The following FAM86B1 variants were observed in gnomAD, a reference collection of about 807,000 sequenced individuals.
FAM86B1 encodes the protein family with sequence similarity 86 member B1 (gene/pseudogene), also known as putative protein N-methyltransferase FAM86B1.
For missense variants in FAM86B1, 13 were observed against 328.1 expected (o/e 0.04, Z 7.42); for synonymous variants, 4 against 137.6 (o/e 0.03, Z 6.79).
At chr8:12,192,950 A>G (rs1807164176) in intron 1 of FAM86B1, among the ~76,000 whole-genome samples, 1 of 145,838 alleles carries the variant, frequency 6.9e-6, no homozygotes, top group South Asian at 2.1e-4. Flanking sequence ...CACTTGCCCA[A>G]GGTCACACAG....
chr8:12,189,374 C>A, intron 3 of FAM86B1, among the ~76,000 whole-genome samples: 1 of 117,824 alleles, frequency 8.5e-6, no homozygotes, highest in African/African-American at 4.1e-5. Flanking sequence ...GAGAATTCAC[C>A]AGAGGAACTA....
At chr8:12,191,414 G>A (rs1157976562) in intron 2 of FAM86B1, among the ~76,000 whole-genome samples, 14 of 122,998 alleles carry the variant, frequency 1.1e-4, no homozygotes, top group African/African-American at 4.9e-4. Context: ...GAAGAGACAG[G>A]AGTGGGCGGG....
chr8:12,187,295 C>G (rs576741639), intron 3 of FAM86B1, among the ~76,000 whole-genome samples: 1 of 18,118 alleles, frequency 5.5e-5, no homozygotes, highest in Admixed American at 8.5e-4. Context: ...TGGGTTCAAG[C>G]AATTCTCCTG....
At position 12,183,385 on chromosome 8, in the gene FAM86B1, TATG is replaced by T. The variant is rs1805245203; in HGVS notation, c.*218_*220del. 2.6e-5 allele frequency: 12 copies of T among 459,432 alleles called. No individual in the cohort carries two copies. Among genetic ancestry groups the T allele is most frequent in the South Asian group, 2.6e-4 (12 of 46,482 alleles). 28.5% of individuals were successfully genotyped at this position (459,432 alleles called of 1,614,324 possible). The stretch of plus-strand genomic sequence containing the variant: ...GGAGCTAGAATTTTCATGTCTGATT[TATG>T]ATGATTTTCTTGAGAACCAGAACTG... On this transcript the variant is annotated 3_prime_UTR_variant, in exon 7 of 7. Transcript: ENST00000448228.
chr8:12,193,372 G>A (rs1312995550), intron 1 of FAM86B1, among the ~76,000 whole-genome samples: 3 of 142,324 alleles, frequency 2.1e-5, no homozygotes, highest in East Asian at 2.0e-4. Flanking sequence ...CAAATGGAAC[G>A]GGGTGCATTA....
At position 12,182,389 on chromosome 8, in the gene FAM86B1, T is replaced by C; in HGVS notation, c.*1217A>G. ...GTTTCCAGAAAGCATGATGTCAAGT[T>C]GGAAGTGGAGCGCTGCTGGGTTGTG... On this transcript the variant is annotated 3_prime_UTR_variant, in exon 7 of 7. Coordinates refer to ENST00000448228, the MANE Select transcript of FAM86B1 (RefSeq NM_001083537.4). 1.7e-6 allele frequency: 1 copy of C among 584,340 alleles called. No homozygotes were observed. Among genetic ancestry groups the C allele is most frequent in the East Asian group, 3.0e-5 (1 of 33,282 alleles). The allele number at this position is 584,340 out of a possible 1,614,324, so 36.2% of individuals were successfully genotyped here.
intron 1 of FAM86B1, among the ~76,000 whole-genome samples, chr8:12,192,732 G>A (rs1341799171): frequency 2.1e-5 from 3 of 142,554 alleles, no homozygotes; most frequent in East Asian, 3.9e-4. Flanking sequence ...CATGGGTACT[G>A]CCGATCCATG....
At chr8:12,192,840 G>T (rs866373508) in intron 1 of FAM86B1, among the ~76,000 whole-genome samples, 1 of 150,228 alleles carries the variant, frequency 6.7e-6, no homozygotes, top group Non-Finnish European at 1.5e-5. Flanking sequence ...GCACTGATCC[G>T]CAGGCATTTG....
upstream of FAM86B1, chr8:12,194,574 G>T (rs1264435891): frequency 6.9e-6 from 1 of 144,096 alleles, no homozygotes; most frequent in Non-Finnish European, 1.4e-5. Context: ...CGTTGACTAT[G>T]TCGTAGAACA....
At chr8:12,193,403 G>T (rs1807266248) in intron 1 of FAM86B1, among the ~76,000 whole-genome samples, 1 of 139,122 alleles carries the variant, frequency 7.2e-6, no homozygotes, top group South Asian at 2.2e-4. Context: ...CTGGCAGAAG[G>T]GAGGCTGCTG....
chr8:12,187,447 C>T (rs1383548557), intron 3 of FAM86B1, among the ~76,000 whole-genome samples: 1 of 3,422 alleles, frequency 2.9e-4, no homozygotes, highest in African/African-American at 4.3e-4. Context: ...ACAACCTCCA[C>T]CTCCCGGGTT....
At chr8:12,187,271 C>A (rs561491729) in intron 3 of FAM86B1, among the ~76,000 whole-genome samples, 1,186 of 23,174 alleles carry the variant, frequency 0.051, 30 homozygotes, top group African/African-American at 0.1. Context: ...TGGCTTACTG[C>A]AACATCTGCC....
At position 12,182,341 on chromosome 8, in the gene FAM86B1, G is replaced by T. The variant is rs1334161248; in HGVS notation, c.*1265C>A. ...GAAGGTGCTCCAGGGCACCAAGTGT[G>T]GGAAAGTGGGACATACGGGGAAGTT... On this transcript the variant is annotated 3_prime_UTR_variant, in exon 7 of 7. Transcript: ENST00000448228. 2.4e-5 allele frequency: 11 copies of T among 468,024 alleles called. No homozygotes were observed. The highest frequency in any genetic ancestry group is 6.2e-4 in the Middle Eastern group (1 of 1,612). 29.0% of individuals were successfully genotyped at this position (468,024 alleles called of 1,614,324 possible). A position where few individuals can be genotyped will look rare whatever the true frequency, so the allele number is the denominator to read the frequency against.
At chr8:12,189,318 A>T (rs1806419194) in intron 3 of FAM86B1, among the ~76,000 whole-genome samples, 1 of 110,790 alleles carries the variant, frequency 9.0e-6, no homozygotes, top group Non-Finnish European at 1.7e-5. Context: ...AATAAAATCC[A>T]TCCTATATCA....
rs1367215544 is a variant in FAM86B1 at position 12,191,088 on chromosome 8, G to A, written c.159+691C>T. Among the ~76,000 whole-genome samples the A allele has an allele frequency of 5.1e-5, 7 of 137,684 alleles. No homozygotes were observed. In the East Asian group the frequency reaches 6.2e-4, roughly 12 times the overall value. The allele number at this position is 137,684 out of a possible 152,430, so 90.3% of individuals were successfully genotyped here. ...CGTGGATAATCTTGGTTCATCTCTA[G>A]CACAGGAATTCTTCACCGGGGCTCC... On this transcript the variant is annotated intron_variant, in intron 2 of 6. Coordinates refer to ENST00000448228, the MANE Select transcript of FAM86B1 (RefSeq NM_001083537.4).
chr8:12,189,301 AG>A (rs1806412259), intron 3 of FAM86B1, among the ~76,000 whole-genome samples: 1 of 70,674 alleles, frequency 1.4e-5, no homozygotes, highest in African/African-American at 7.1e-5. Flanking sequence ...TAAATAAATA[AG>A]TAAAAAATAA....
Position 12,182,673 on chromosome 8 carries a change from A to T in FAM86B1, c.*933T>A, listed in dbSNP as rs1379687950. Reference sequence around the variant, plus strand: ...CAAGAGTCTCAGCAGCTCTGATGGGATGAGAGCTGGGTGCAGACTGTGCTC... The same window carrying T: ...CAAGAGTCTCAGCAGCTCTGATGGGTTGAGAGCTGGGTGCAGACTGTGCTC... On this transcript the variant is annotated 3_prime_UTR_variant, in exon 7 of 7. Coordinates refer to ENST00000448228, the MANE Select transcript of FAM86B1 (RefSeq NM_001083537.4). 6.4e-7 allele frequency: 1 copy of T among 1,550,884 alleles called. No individual in the cohort carries two copies. The highest frequency in any genetic ancestry group is 1.7e-5 in the Admixed American group (1 of 58,276).
chr8:12,183,615 G>GT lies in FAM86B1; in HGVS notation c.881_882insA (p.Thr295HisfsTer56). The GT allele has an allele frequency of 1.4e-6, 1 of 731,614 alleles. No homozygotes were observed. The highest frequency in any genetic ancestry group is 2.3e-6 in the Non-Finnish European group (1 of 428,108). The allele number at this position is 731,614 out of a possible 1,614,324, so 45.3% of individuals were successfully genotyped here. A position where few individuals can be genotyped will look rare whatever the true frequency, so the allele number is the denominator to read the frequency against. Reference sequence around the variant, plus strand: ...GAGTCATGTGTGAGTCCTACAGTGTGAGGTTCAGCATTGCCATCTCCAAGT... The same window carrying GT: ...GAGTCATGTGTGAGTCCTACAGTGTGTAGGTTCAGCATTGCCATCTCCAAGT... On this transcript the variant is annotated frameshift_variant, in exon 7 of 7. Coordinates refer to ENST00000448228, the MANE Select transcript of FAM86B1 (RefSeq NM_001083537.4). LOFTEE classifies it high-confidence loss of function.
At chr8:12,194,226 G>A, upstream of FAM86B1, 2 of 815,868 alleles carry the variant, frequency 2.5e-6, no homozygotes, top group South Asian at 1.6e-5. Context: ...CTCTAGGGCG[G>A]GGCCAAGATG....
Sources: gnomAD v4.1 joint callset for allele counts (sites outside exome capture counted in the v4.1 genomes callset) on GRCh38, gnomAD v4.1.1 for gene constraint, MANE v1.5 for transcripts, NCBI Gene and HGNC (gene_info 2026-07-23, HGNC 2026-07-21) for gene names.